Variants in SPMAP2L observed in about 807,000 individuals in gnomAD.
SPMAP2L encodes the protein sperm microtubule associated protein 2 like.
At chr4:56,596,443 A>G in the SPMAP2L span, 2 of 1,430,902 alleles carry the variant, frequency 1.4e-6, no homozygotes, top group South Asian at 1.5e-5. Flanking sequence ...GTAATCTTGA[A>G]CTAAATAGTG....
chr4:56,545,088 A>G, the SPMAP2L span, among the ~76,000 whole-genome samples: 3,734 of 152,286 alleles, frequency 0.025, 146 homozygotes, highest in African/African-American at 0.078. Flanking sequence ...TGACTAATCT[A>G]TGAGAGAGAA....
chr4:56,622,877 C>A, the SPMAP2L span, among the ~76,000 whole-genome samples: 1 of 152,130 alleles, frequency 6.6e-6, no homozygotes, highest in East Asian at 1.9e-4. Flanking sequence ...CTTTTTACCC[C>A]CAACTCGGCT....
the SPMAP2L span, among the ~76,000 whole-genome samples, chr4:56,615,617 G>A: frequency 6.6e-6 from 1 of 152,052 alleles, no homozygotes; most frequent in South Asian, 2.1e-4. Context: ...GCATGGTGGC[G>A]AGTGCCCGTA....
At chr4:56,610,352 C>T in the SPMAP2L span, among the ~76,000 whole-genome samples, 1 of 152,150 alleles carries the variant, frequency 6.6e-6, no homozygotes, top group Non-Finnish European at 1.5e-5. Flanking sequence ...GGGGAAAGGA[C>T]ACCCTATTCA....
At chr4:56,596,895 TC>T in the SPMAP2L span, among the ~76,000 whole-genome samples, 1 of 152,216 alleles carries the variant, frequency 6.6e-6, no homozygotes, top group African/African-American at 2.4e-5. Flanking sequence ...GGGACAAACT[TC>T]CTGAGCTTTA....
chr4:56,580,185 A>G, the SPMAP2L span, among the ~76,000 whole-genome samples: 1 of 152,192 alleles, frequency 6.6e-6, no homozygotes, highest in Admixed American at 6.5e-5. Flanking sequence ...ATACTCTACT[A>G]GCAAACCAAA....
At chr4:56,562,502 T>C in the SPMAP2L span, among the ~76,000 whole-genome samples, 13 of 152,178 alleles carry the variant, frequency 8.5e-5, no homozygotes, top group African/African-American at 2.9e-4. Flanking sequence ...CATATTTGTG[T>C]ACCATTAAAT....
At chr4:56,607,826 T>A in the SPMAP2L span, among the ~76,000 whole-genome samples, 32 of 151,852 alleles carry the variant, frequency 2.1e-4, no homozygotes, top group Non-Finnish European at 3.8e-4. Flanking sequence ...CATTTTTATT[T>A]AAAAAAATGT....
At chr4:56,559,321 AAG>A in the SPMAP2L span, 5 of 1,157,532 alleles carry the variant, frequency 4.3e-6, no homozygotes, top group African/African-American at 1.7e-5. Flanking sequence ...AAAAAAAAAA[AAG>A]AGTCATTTTT....
chr4:56,609,633 A>T, the SPMAP2L span, among the ~76,000 whole-genome samples: 1 of 152,214 alleles, frequency 6.6e-6, no homozygotes, highest in Admixed American at 6.5e-5. Flanking sequence ...CTTAATTTCC[A>T]GTGCAACAGT....
chr4:56,545,016 C>G, the SPMAP2L span, among the ~76,000 whole-genome samples: 18 of 152,344 alleles, frequency 1.2e-4, no homozygotes, highest in African/African-American at 4.3e-4. Context: ...CAGACCCGCC[C>G]GGCGCAGCTG....
chr4:56,593,911 G>A, the SPMAP2L span: 2 of 1,609,430 alleles, frequency 1.2e-6, no homozygotes, highest in East Asian at 2.2e-5. Flanking sequence ...CTTTGATTTT[G>A]CCAGAAGGTC....
At chr4:56,530,781 TG>T in the SPMAP2L span, 1 of 1,535,252 alleles carries the variant, frequency 6.5e-7, no homozygotes, top group African/African-American at 1.4e-5. Context: ...AGAAGCCCAT[TG>T]TGCTCAGGAT....
the SPMAP2L span, among the ~76,000 whole-genome samples, chr4:56,533,133 G>A: frequency 6.6e-6 from 1 of 151,946 alleles, no homozygotes; most frequent in Non-Finnish European, 1.5e-5. Flanking sequence ...TTGTTAAATC[G>A]AACCCTTGCC....
chr4:56,603,604 C>T, the SPMAP2L span: 5 of 267,580 alleles, frequency 1.9e-5, no homozygotes, highest in Non-Finnish European at 3.5e-5. Context: ...TCTTGGCTGC[C>T]TCATTGCTGT....
chr4:56,620,339 A>G, the SPMAP2L span, among the ~76,000 whole-genome samples: 97 of 152,288 alleles, frequency 6.4e-4, no homozygotes, highest in African/African-American at 2.3e-3. Context: ...TTTGGATGAT[A>G]AGATAAAAAG....
At chr4:56,611,005 C>G in the SPMAP2L span, among the ~76,000 whole-genome samples, 1 of 152,196 alleles carries the variant, frequency 6.6e-6, no homozygotes, top group African/African-American at 2.4e-5. Context: ...GGAATGCAAA[C>G]TAGCATAACC....
At chr4:56,571,059 C>T in the SPMAP2L span, among the ~76,000 whole-genome samples, 2 of 151,856 alleles carry the variant, frequency 1.3e-5, no homozygotes, top group Admixed American at 1.3e-4. Flanking sequence ...CAACCTCAGC[C>T]TCCCAAAGGG....
the SPMAP2L span, among the ~76,000 whole-genome samples, chr4:56,577,688 G>A: frequency 1.6e-4 from 24 of 152,122 alleles, no homozygotes; most frequent in African/African-American, 5.8e-4. Context: ...CGGAAATTAC[G>A]ATATTCCTAG....
Sources: allele counts gnomAD v4.1 joint callset (sites outside exome capture counted in the v4.1 genomes callset), GRCh38; gene constraint gnomAD v4.1.1; transcripts MANE v1.5; gene names NCBI Gene and HGNC (gene_info 2026-07-23, HGNC 2026-07-21).